The following AHCYL2 variants were observed in gnomAD, a reference collection of about 807,000 sequenced individuals.
The protein encoded by AHCYL2 is adenosylhomocysteinase like 2.
Under a neutral mutation model 81.4 loss-of-function variants are expected in AHCYL2, and 28 were observed. The ratio of observed to expected loss-of-function variants is 0.34; its 90% CI spans 0.25 to 0.47. AHCYL2 has a LOEUF of 0.47. Ranked by LOEUF, AHCYL2 falls within the 20% of genes least tolerant of loss-of-function variation. The pLI is 1.00. For synonymous variants in AHCYL2, 272 were observed against 290.2 expected (o/e 0.94, Z 0.64); for missense variants, 551 against 785.1 (o/e 0.70, Z 3.56).
intron 12 of AHCYL2, among the ~76,000 whole-genome samples, chr7:129,422,244 A>G (rs1797150248): frequency 6.6e-6 from 1 of 152,216 alleles, no homozygotes. Context: ...ATTTGCACTT[A>G]GGTCACAAAG....
chr7:129,400,527 C>A, intron 6 of AHCYL2, 143 bp downstream of exon 6: 1 of 672,458 alleles, frequency 1.5e-6, no homozygotes, highest in Non-Finnish European at 2.4e-6. Context: ...TCCAGCAGAA[C>A]TAGATTCTTA....
At chr7:129,249,218 G>C (rs895543130) in intron 1 of AHCYL2, among the ~76,000 whole-genome samples, 14 of 151,690 alleles carry the variant, frequency 9.2e-5, no homozygotes, top group Non-Finnish European at 1.8e-4. Flanking sequence ...GGCTAGTGTC[G>C]AACTCCTAGA....
intron 1 of AHCYL2, among the ~76,000 whole-genome samples, chr7:129,245,889 A>G (rs538867849): frequency 3.0e-4 from 45 of 152,326 alleles, no homozygotes; most frequent in African/African-American, 1.1e-3. Context: ...GCTGGGTTAT[A>G]TGGTCATTTT....
chr7:129,381,021 G>A (rs901056115), intron 2 of AHCYL2, among the ~76,000 whole-genome samples: 1 of 152,188 alleles, frequency 6.6e-6, no homozygotes, highest in African/African-American at 2.4e-5. Context: ...ACAGGCGTGA[G>A]CCACTGCGCC....
At chr7:129,284,599 CAAAAAAAAAA>C (rs1232402820) in intron 1 of AHCYL2, among the ~76,000 whole-genome samples, 1 of 53,346 alleles carries the variant, frequency 1.9e-5, no homozygotes, top group African/African-American at 6.8e-5. Flanking sequence ...GACTTCGTCT[CAAAAAAAAAA>C]AAAAAAAAAA....
chr7:129,353,810 A>G (rs938209276), intron 1 of AHCYL2, among the ~76,000 whole-genome samples: 4 of 151,638 alleles, frequency 2.6e-5, no homozygotes, highest in African/African-American at 7.3e-5. Flanking sequence ...CAGAGACTAG[A>G]ATAGAATCTT....
chr7:129,279,749 G>A (rs1465701531), intron 1 of AHCYL2, among the ~76,000 whole-genome samples: 2 of 152,206 alleles, frequency 1.3e-5, no homozygotes, highest in East Asian at 3.8e-4. Context: ...AAAAGGGGAG[G>A]CATTTCCCAC....
At chr7:129,322,526 T>A (rs1798076316) in intron 1 of AHCYL2, among the ~76,000 whole-genome samples, 1 of 152,248 alleles carries the variant, frequency 6.6e-6, no homozygotes, top group Non-Finnish European at 1.5e-5. Flanking sequence ...TACTCTTGAA[T>A]GACCTTTGTG....
At chr7:129,241,307 C>G (rs1355128728) in intron 1 of AHCYL2, among the ~76,000 whole-genome samples, 1 of 152,160 alleles carries the variant, frequency 6.6e-6, no homozygotes, top group African/African-American at 2.4e-5. Flanking sequence ...TAATTTCAAA[C>G]AGGCTAGGCA....
chr7:129,390,820 C>T (rs74657705), intron 4 of AHCYL2, among the ~76,000 whole-genome samples: 3,667 of 152,250 alleles, frequency 0.024, 76 homozygotes, highest in Admixed American at 0.057. Context: ...TACCGAGGGG[C>T]GTGGAATTAC....
At chr7:129,268,072 T>C (rs1370862090) in intron 1 of AHCYL2, among the ~76,000 whole-genome samples, 2 of 152,196 alleles carry the variant, frequency 1.3e-5, no homozygotes, top group Non-Finnish European at 2.9e-5. Flanking sequence ...CCCTTTTTAC[T>C]CCTAGTTCTA....
At chr7:129,423,507 A>G (rs1797213939) in intron 13 of AHCYL2, among the ~76,000 whole-genome samples, 1 of 152,008 alleles carries the variant, frequency 6.6e-6, no homozygotes, top group African/African-American at 2.4e-5. Context: ...CTTCCATGTC[A>G]GTGTTTGACC....
At chr7:129,325,945 T>C (rs988085077) in intron 1 of AHCYL2, among the ~76,000 whole-genome samples, 1 of 152,192 alleles carries the variant, frequency 6.6e-6, no homozygotes, top group African/African-American at 2.4e-5. Flanking sequence ...CTTAATGTGA[T>C]CCGCCCATCT....
chr7:129,234,309 ATC>A (rs1331942760), intron 1 of AHCYL2, among the ~76,000 whole-genome samples: 2 of 151,704 alleles, frequency 1.3e-5, no homozygotes, highest in Non-Finnish European at 2.9e-5. Context: ...CAGTGGCACT[ATC>A]TCGGCTCACT....
At chr7:129,383,921 C>T (rs938888367) in intron 2 of AHCYL2, among the ~76,000 whole-genome samples, 5 of 152,092 alleles carry the variant, frequency 3.3e-5, no homozygotes, top group African/African-American at 1.2e-4. Context: ...AAATTGTACC[C>T]AGCATGGTGA....
rs1797158969 is a variant in AHCYL2 at position 129,422,393 on chromosome 7, CT to C, written c.1462-440del. 2.0e-5 allele frequency among the ~76,000 whole-genome samples: 3 copies of C among 152,262 alleles called. No homozygotes were observed. The South Asian group carries it at 6.2e-4, about 32-fold the overall frequency. On this transcript the variant is annotated intron_variant, in intron 12 of 16. Coordinates refer to ENST00000325006, the MANE Select transcript of AHCYL2 (RefSeq NM_015328.4). ...CTAAACCCACTCAGCTATGTTCCTC[CT>C]TTTTTTCTTTGTTTCTTCAGCACTT...
chr7:129,389,901 G>A (rs747135290), intron 4 of AHCYL2, among the ~76,000 whole-genome samples, 167 bp downstream of exon 4: 1 of 152,116 alleles, frequency 6.6e-6, no homozygotes, highest in Admixed American at 6.6e-5. Context: ...TTTTATAAAC[G>A]AAGAAGCTGA....
chr7:129,275,428 C>A (rs1796166724), intron 1 of AHCYL2, among the ~76,000 whole-genome samples: 1 of 151,988 alleles, frequency 6.6e-6, no homozygotes. Flanking sequence ...AAAAAAATAA[C>A]TGGAACATTG....
chr7:129,369,323 A>G (rs1012470784), intron 1 of AHCYL2, among the ~76,000 whole-genome samples: 1 of 152,178 alleles, frequency 6.6e-6, no homozygotes, highest in African/African-American at 2.4e-5. Flanking sequence ...TTTCCCCACT[A>G]TGGAAAACTA....
Sources: gnomAD v4.1 joint callset for allele counts (sites outside exome capture counted in the v4.1 genomes callset) on GRCh38, gnomAD v4.1.1 for gene constraint, MANE v1.5 for transcripts, NCBI Gene and HGNC (gene_info 2026-07-23, HGNC 2026-07-21) for gene names.